The following RFT1 variants were observed in gnomAD, a reference collection of about 807,000 sequenced individuals.
The protein encoded by RFT1 is man(5)GlcNAc(2)-PP-dolichol translocation protein RFT1.
RFT1 carries 43 observed loss-of-function variants against 62.2 expected under a neutral mutation model. The observed-to-expected ratio is 0.69, with a 90% confidence interval of 0.54 to 0.89. The LOEUF is 0.89. Ranked by LOEUF, RFT1 falls within the 40% of genes least tolerant of loss-of-function variation. RFT1 has a pLI of 0.00. For missense variants in RFT1, 605 were observed against 649.9 expected, an observed-to-expected ratio of 0.93 and a Z score of 0.75; for synonymous variants, 262 against 264.6, an observed-to-expected ratio of 0.99 and a Z score of 0.10.
At position 53,111,781 on chromosome 3, in the gene RFT1, T is replaced by A. The variant is rs757218756; in HGVS notation, c.775+49A>T. The A allele has an allele frequency of 1.8e-5, 27 of 1,489,052 alleles. No homozygotes were observed. In the Admixed American group the frequency reaches 4.5e-4, roughly 25 times the overall value. 92.2% of individuals were successfully genotyped at this position (1,489,052 alleles called of 1,614,324 possible). On this transcript the variant is annotated intron_variant, in intron 7 of 12. Transcript: ENST00000296292. ...CCAGGTAATTGGCAGTCCTATGAAATCCCCTTCTACTATGGTCTCCCGACG... is the reference window on the plus strand; with the variant it reads ...CCAGGTAATTGGCAGTCCTATGAAAACCCCTTCTACTATGGTCTCCCGACG...
At chr3:53,086,189 C>T (rs1700849836), downstream of RFT1, among the ~76,000 whole-genome samples, 1 of 152,212 alleles carries the variant, frequency 6.6e-6, no homozygotes, top group Non-Finnish European at 1.5e-5. Flanking sequence ...TTTTCGTCTG[C>T]ATCTGATTGT....
intron 1 of RFT1, 135 bp downstream of exon 1, chr3:53,130,203 A>AC (rs1203416593): frequency 8.0e-5 from 71 of 887,722 alleles, no homozygotes; most frequent in African/African-American, 1.8e-4. Context: ...TCTCCGGTCG[A>AC]CCCCCCCACC....
At position 53,104,052 on chromosome 3, in the gene RFT1, G is replaced by C; in HGVS notation, c.1003C>G (p.Leu335Val). 1 of 1,614,170 alleles carries C rather than the reference G, an allele frequency of 6.2e-7. No homozygotes were observed. The highest frequency in any genetic ancestry group is 8.5e-7 in the Non-Finnish European group (1 of 1,180,012). The change falls in exon 10 of 13, where the codon CTG becomes GTG. Residue 335 changes from leucine to valine, a missense_variant. By Grantham distance (32) the Leu-to-Val change is conservative. Transcript: ENST00000296292. ...ATGGTCAGGCCGGCCAGCAGGGCCAGCTTGAGCAGGGACTCCAAGACTGCA... is the reference window on the plus strand; with the variant it reads ...ATGGTCAGGCCGGCCAGCAGGGCCACCTTGAGCAGGGACTCCAAGACTGCA... ...AAAVLESLLKLALLAGLTITV... is the reference protein window; with the variant it reads ...AAAVLESLLKVALLAGLTITV...
At chr3:53,087,390 G>A (rs1363214460), downstream of RFT1, among the ~76,000 whole-genome samples, 1 of 152,104 alleles carries the variant, frequency 6.6e-6, no homozygotes, top group African/African-American at 2.4e-5. Flanking sequence ...CCATCCCAGA[G>A]GCCACACAGC....
In RFT1 at chr3:53,100,877, A is replaced by G. The variant is rs1167826710; in HGVS notation, c.1103-1391T>C. Among the ~76,000 whole-genome samples the G allele has an allele frequency of 3.1e-4, 47 of 152,148 alleles. 1 individual carries two copies. The highest frequency in any genetic ancestry group is 2.9e-3 in the Admixed American group (45 of 15,276). ...GGTAGTTACATGGGATTTTTTGTAC[A>G]TATTTGTCAAAACTTACCAAACTGT... is the stretch of plus-strand genomic sequence containing the variant. On this transcript the variant is annotated intron_variant, in intron 10 of 12. Transcript: ENST00000296292.
chr3:53,080,441 C>G, the RFT1 span, among the ~76,000 whole-genome samples: 2 of 152,200 alleles, frequency 1.3e-5, no homozygotes, highest in Admixed American at 6.5e-5. Context: ...AAGCAGTTTT[C>G]GTTTCTTCTT....
At chr3:53,086,567 C>G (rs763747466), downstream of RFT1, among the ~76,000 whole-genome samples, 1 of 152,164 alleles carries the variant, frequency 6.6e-6, no homozygotes, top group African/African-American at 2.4e-5. Flanking sequence ...CCACCTGCCT[C>G]GGCCTCCCAA....
chr3:53,089,387 A>G lies in RFT1; in HGVS notation c.*2516T>C. 6.6e-6 allele frequency: 1 copy of G among 152,366 alleles called. No individual in the cohort carries two copies. The highest frequency in any genetic ancestry group is 1.9e-4 in the East Asian group (1 of 5,186). 9.4% of individuals were successfully genotyped at this position (152,366 alleles called of 1,614,324 possible). ...TCACCAACGAATGCTCCTTCCTTTC[A>G]TAAAGGTTGTGCCTCAGAGACTTGT... On this transcript the variant is annotated 3_prime_UTR_variant, in exon 13 of 13. Coordinates refer to ENST00000296292, the MANE Select transcript of RFT1 (RefSeq NM_052859.4).
chr3:53,086,596 G>A (rs888163365), downstream of RFT1, among the ~76,000 whole-genome samples: 1 of 152,240 alleles, frequency 6.6e-6, no homozygotes, highest in South Asian at 2.1e-4. Context: ...GATTACAGGC[G>A]GGAGCCACCG....
At chr3:53,095,136 C>A (rs1230927760) in intron 11 of RFT1, among the ~76,000 whole-genome samples, 1 of 151,880 alleles carries the variant, frequency 6.6e-6, no homozygotes, top group Non-Finnish European at 1.5e-5. Flanking sequence ...CTTGGTGGTG[C>A]ACGTCTGTAG....
intron 5 of RFT1, among the ~76,000 whole-genome samples, chr3:53,120,313 G>A (rs1214234169): frequency 6.6e-6 from 1 of 152,182 alleles, no homozygotes; most frequent in African/African-American, 2.4e-5. Context: ...AGCCATGTCT[G>A]ATACATTCTC....
At position 53,101,099 on chromosome 3, in the gene RFT1, C is replaced by T. The variant is rs77415575; in HGVS notation, c.1103-1613G>A. The stretch of plus-strand genomic sequence containing the variant: ...ATCTCCATGCTGTGGGACCCCTAAA[C>T]AGTTTTATGGCAGTCACAAAATTAT... On this transcript the variant is annotated intron_variant, in intron 10 of 12. Coordinates refer to ENST00000296292, the MANE Select transcript of RFT1 (RefSeq NM_052859.4). Among the ~76,000 whole-genome samples, 445 of 152,296 alleles carry T rather than the reference C, an allele frequency of 2.9e-3. 2 individuals carry two copies. The highest frequency in any genetic ancestry group is 5.6e-3 in the Non-Finnish European group (383 of 68,022).
In RFT1 at chr3:53,098,531, G is replaced by A. The variant is rs371938111; in HGVS notation, c.1208+850C>T. On this transcript the variant is annotated intron_variant, in intron 11 of 12. Transcript: ENST00000296292. ...TGAAAACCCCCATGAGGCTGGGCAC[G>A]GTGGCTCATGCCTGTAATCCCGGCA... 3.8e-4 allele frequency among the ~76,000 whole-genome samples: 57 copies of A among 151,792 alleles called. 1 individual carries two copies. The highest frequency in any genetic ancestry group is 6.8e-3 in the Middle Eastern group (2 of 294).
chr3:53,071,257 T>A, the RFT1 span, among the ~76,000 whole-genome samples: 6 of 152,144 alleles, frequency 3.9e-5, no homozygotes, highest in African/African-American at 1.4e-4. Context: ...AAGAAGCTGT[T>A]GGCAAAGGGT....
At chr3:53,125,494 AG>A (rs59882570) in intron 2 of RFT1, among the ~76,000 whole-genome samples, 11,624 of 152,326 alleles carry the variant, frequency 0.076, 578 homozygotes, top group Middle Eastern at 0.13. Context: ...GAGGGAAGGA[AG>A]GTGGCTGCTC....
rs1453071284 is a variant in RFT1 at position 53,094,381 on chromosome 3, ACACACT to A, written c.1209-1769_1209-1764del. Among the ~76,000 whole-genome samples the A allele has an allele frequency of 5.6e-5, 8 of 143,886 alleles. No individual in the cohort carries two copies. The South Asian group carries it at 1.5e-3, about 27-fold the overall frequency. The allele number at this position is 143,886 out of a possible 152,430, so 94.4% of individuals were successfully genotyped here. On this transcript the variant is annotated intron_variant, in intron 11 of 12. Transcript: ENST00000296292. ...CACACACACACACACACACACACAC[ACACACT>A]CTCACACACAATACTATACTCCAAC...
At chr3:53,095,256 C>T (rs890615542) in intron 11 of RFT1, among the ~76,000 whole-genome samples, 2 of 151,176 alleles carry the variant, frequency 1.3e-5, no homozygotes, top group African/African-American at 4.9e-5. Flanking sequence ...AGCAAGACTC[C>T]GTCTTAAAAA....
chr3:53,110,195 T>C (rs1340780485), intron 7 of RFT1, among the ~76,000 whole-genome samples: 3 of 152,226 alleles, frequency 2.0e-5, no homozygotes, highest in Non-Finnish European at 2.9e-5. Flanking sequence ...TCTTAAAACC[T>C]TGGAAGGAAA....
rs1207412409 is a variant in RFT1, at chr3:53,123,698, G to GT, written c.266+25dup. 5.8e-5 allele frequency: 90 copies of GT among 1,558,614 alleles called. No homozygotes were observed. The Admixed American group carries it at 1.3e-3, about 23-fold the overall frequency. ...CTCACTACACCTGCCTTCCTGAAAC[G>GT]TGTCTCCTGCCAAAGCACAACTCAC... On this transcript the variant is annotated intron_variant, in intron 3 of 12. Transcript: ENST00000296292.
Sources: gnomAD v4.1 joint callset for allele counts (sites outside exome capture counted in the v4.1 genomes callset) on GRCh38, gnomAD v4.1.1 for gene constraint, MANE v1.5 for transcripts, NCBI Gene and HGNC (gene_info 2026-07-23, HGNC 2026-07-21) for gene names.